Variants in PLCXD3 observed in about 807,000 individuals in gnomAD.
The protein encoded by PLCXD3 is PI-PLC X domain-containing protein 3.
In PLCXD3, 19 loss-of-function variants were observed where a neutral mutation model predicts 25.5. That is an observed-to-expected ratio of 0.75 (90% CI 0.52 to 1.09). The LOEUF (loss-of-function observed/expected upper bound fraction) is 1.09. Among genes scored for constraint, PLCXD3 ranks in the 50% least tolerant of loss-of-function variants. The pLI is 0.00. For missense variants in PLCXD3, 411 were observed against 388.1 expected (o/e 1.06, Z -0.50); for synonymous variants, 174 against 137.6 (o/e 1.26, Z -1.85).
chr5:41,394,270 C>T (rs367559299), intron 1 of PLCXD3, among the ~76,000 whole-genome samples: 6 of 151,496 alleles, frequency 4.0e-5, no homozygotes, highest in African/African-American at 1.5e-4. Context: ...CTCATGGTAA[C>T]CTGAAACCAG....
Position 41,310,286 on chromosome 5 carries a change from A to T in PLCXD3, c.*3331T>A, listed in dbSNP as rs1227769494. The T allele has an allele frequency of 6.6e-6, 1 of 152,144 alleles. No individual in the cohort carries two copies. The highest frequency in any genetic ancestry group is 1.9e-4 in the East Asian group (1 of 5,200). The allele number at this position is 152,144 out of a possible 1,614,324, so 9.4% of individuals were successfully genotyped here. ...TTAGTCCTTGAAAATTACAGACAGGAAATCAAACTTAAAAATGATCTCTTT... is the reference window on the plus strand; with the variant it reads ...TTAGTCCTTGAAAATTACAGACAGGTAATCAAACTTAAAAATGATCTCTTT... On this transcript the variant is annotated 3_prime_UTR_variant, in exon 3 of 3. Coordinates refer to ENST00000377801, the MANE Select transcript of PLCXD3 (RefSeq NM_001005473.3).
intron 1 of PLCXD3, among the ~76,000 whole-genome samples, chr5:41,497,772 C>A (rs976401381): frequency 8.6e-5 from 13 of 151,708 alleles, no homozygotes; most frequent in African/African-American, 3.1e-4. Flanking sequence ...GTTGATCACA[C>A]GATAGGCCCC....
chr5:41,404,151 A>G (rs6859578), intron 1 of PLCXD3, among the ~76,000 whole-genome samples: 138,766 of 152,068 alleles, frequency 0.91, 63,719 homozygotes, highest in African/African-American at 0.94. Flanking sequence ...ATTTTTGGAA[A>G]AATAGGCTCA....
At chr5:41,359,057 G>T (rs1204907767) in intron 2 of PLCXD3, among the ~76,000 whole-genome samples, 1 of 151,994 alleles carries the variant, frequency 6.6e-6, no homozygotes, top group Non-Finnish European at 1.5e-5. Flanking sequence ...CCTGCATCCT[G>T]GTATGAAACC....
chr5:41,363,033 C>T (rs548439825), intron 2 of PLCXD3, among the ~76,000 whole-genome samples: 7 of 151,962 alleles, frequency 4.6e-5, no homozygotes, highest in Non-Finnish European at 1.0e-4. Context: ...TCATTGTTAC[C>T]ACAGAATCAG....
intron 1 of PLCXD3, among the ~76,000 whole-genome samples, chr5:41,406,939 C>T (rs1746369438): frequency 2.0e-5 from 3 of 151,344 alleles, no homozygotes; most frequent in South Asian, 2.1e-4. Context: ...GCATTCAACT[C>T]GCCTAAAGGA....
At chr5:41,382,840 C>G (rs1385322487) in intron 1 of PLCXD3, among the ~76,000 whole-genome samples, 1 of 152,058 alleles carries the variant, frequency 6.6e-6, no homozygotes, top group Non-Finnish European at 1.5e-5. Flanking sequence ...AATTGGCTTT[C>G]CTTATGGGTG....
At chr5:41,384,138 T>C (rs372146763) in intron 1 of PLCXD3, among the ~76,000 whole-genome samples, 2 of 152,140 alleles carry the variant, frequency 1.3e-5, no homozygotes, top group African/African-American at 4.8e-5. Context: ...AGAAATGCCA[T>C]GTTTAATTTA....
rs773072215 is a variant in PLCXD3, at chr5:41,382,011, C to T, written c.627G>A (p.Gly209=). Residue 209 remains glycine (G), a synonymous_variant, in exon 2 of 3, where the codon GGG becomes GGA. Transcript: ENST00000377801. ...VALEVPFLWP[G]QMMPAPWANT... ...TGGCCCAGGGTGCTGGCATCATCTGCCCAGGCCAGAGAAAGGGCACTTCCA... is the reference window on the plus strand; with the variant it reads ...TGGCCCAGGGTGCTGGCATCATCTGTCCAGGCCAGAGAAAGGGCACTTCCA... The T allele has an allele frequency of 1.2e-6, 2 of 1,613,532 alleles. No individual in the cohort carries two copies. Among genetic ancestry groups the T allele is most frequent in the African/African-American group, 1.3e-5 (1 of 74,996 alleles).
intron 1 of PLCXD3, among the ~76,000 whole-genome samples, chr5:41,461,390 A>G (rs1258416908): frequency 1.3e-5 from 2 of 151,958 alleles, no homozygotes; most frequent in Non-Finnish European, 2.9e-5. Flanking sequence ...AAAAGGGGAG[A>G]AAGTGTAATA....
intron 2 of PLCXD3, among the ~76,000 whole-genome samples, chr5:41,327,894 C>G (rs1295506043): frequency 6.6e-6 from 1 of 152,110 alleles, no homozygotes; most frequent in African/African-American, 2.4e-5. Context: ...TAACCTCGAA[C>G]TCCCGGACTC....
At chr5:41,397,068 C>G (rs1023710159) in intron 1 of PLCXD3, among the ~76,000 whole-genome samples, 8 of 152,166 alleles carry the variant, frequency 5.3e-5, no homozygotes, top group African/African-American at 1.9e-4. Flanking sequence ...AAAAGGAAAA[C>G]CCATTTTTTG....
At chr5:41,487,768 A>G (rs903846601) in intron 1 of PLCXD3, among the ~76,000 whole-genome samples, 1 of 151,978 alleles carries the variant, frequency 6.6e-6, no homozygotes, top group African/African-American at 2.4e-5. Flanking sequence ...TTTTTAAGAC[A>G]AGAAGCCTGG....
chr5:41,380,358 C>T (rs966655364), intron 2 of PLCXD3, among the ~76,000 whole-genome samples: 6 of 151,978 alleles, frequency 3.9e-5, no homozygotes, highest in African/African-American at 1.4e-4. Flanking sequence ...TTTTTCGCTT[C>T]CCCAGTGTAG....
At chr5:41,488,874 T>C (rs1748582666) in intron 1 of PLCXD3, among the ~76,000 whole-genome samples, 2 of 151,100 alleles carry the variant, frequency 1.3e-5, no homozygotes, top group Admixed American at 1.3e-4. Context: ...TCCCATTTTG[T>C]AGGTTGCCTG....
chr5:41,473,822 T>C (rs893395808), intron 1 of PLCXD3, among the ~76,000 whole-genome samples: 1 of 152,162 alleles, frequency 6.6e-6, no homozygotes, highest in African/African-American at 2.4e-5. Context: ...GGGCACATAG[T>C]GAAGCAGCCC....
At chr5:41,463,839 C>T (rs1747949183) in intron 1 of PLCXD3, among the ~76,000 whole-genome samples, 1 of 151,866 alleles carries the variant, frequency 6.6e-6, no homozygotes, top group Admixed American at 6.6e-5. Context: ...TTCTTTTCTG[C>T]CAATCATAGC....
At chr5:41,510,387 G>A in intron 1 of PLCXD3, 37 bp downstream of exon 1, 2 of 1,540,884 alleles carry the variant, frequency 1.3e-6, no homozygotes, top group Admixed American at 1.8e-5. Context: ...GGTGGAGCGG[G>A]CGCCGAGCGC....
intron 1 of PLCXD3, among the ~76,000 whole-genome samples, chr5:41,411,829 T>C (rs1197501728): frequency 6.7e-6 from 1 of 149,010 alleles, no homozygotes; most frequent in Non-Finnish European, 1.5e-5. Context: ...TCCATATTGA[T>C]ATCCATATAT....
Sources: allele counts gnomAD v4.1 joint callset (sites outside exome capture counted in the v4.1 genomes callset), GRCh38; gene constraint gnomAD v4.1.1; transcripts MANE v1.5; gene names NCBI Gene and HGNC (gene_info 2026-07-23, HGNC 2026-07-21).